Variants in PKP1 observed in about 807,000 individuals in gnomAD.
The protein encoded by PKP1 is plakophilin-1.
A neutral mutation model predicts 76.4 loss-of-function variants in PKP1; 27 were observed. The ratio of observed to expected loss-of-function variants is 0.35; its 90% CI spans 0.26 to 0.49. The LOEUF (loss-of-function observed/expected upper bound fraction) is 0.49. Ranked by LOEUF, PKP1 falls within the 20% of genes least tolerant of loss-of-function variation. The probability of loss-of-function intolerance (pLI) is 0.99; values close to 1 mark genes in which losing one functional copy is unlikely to be tolerated. For missense variants in PKP1, 964 were observed against 955.2 expected (o/e 1.01, Z -0.12); for synonymous variants, 404 against 384.2 (o/e 1.05, Z -0.60).
At chr1:201,301,291 A>C (rs1303799480) in intron 2 of PKP1, among the ~76,000 whole-genome samples, 1 of 152,196 alleles carries the variant, frequency 6.6e-6, no homozygotes, top group East Asian at 1.9e-4. Flanking sequence ...GGGGAGCACC[A>C]AGCTTTGGCA....
chr1:201,317,528 C>A, intron 4 of PKP1, 44 bp from the exon 5 acceptor site: 1 of 1,517,396 alleles, frequency 6.6e-7, no homozygotes, highest in East Asian at 2.3e-5. Flanking sequence ...CTAGATCAGC[C>A]TCATCTCCCT....
rs368398439 is a variant in PKP1, at chr1:201,317,754, C to T, written c.1029C>T (p.Asn343=). 49 of 1,613,578 alleles carry T rather than the reference C, an allele frequency of 3.0e-5. No individual in the cohort carries two copies. The highest frequency in any genetic ancestry group is 1.2e-4 in the African/African-American group (9 of 74,910). The change falls in exon 5 of 14, where the codon AAC becomes AAT. Residue 343 remains asparagine (N), a synonymous_variant. Transcript: ENST00000367324. ...EAVSLLRRTG[N]AEIQKQLTGL... is the part of the protein sequence containing the mutation. The stretch of plus-strand genomic sequence containing the variant: ...TCAGCCTCCTGAGGAGAACCGGGAA[C>T]GCCGAGATCCAGAAGCAGCTGACTG...
intron 2 of PKP1, among the ~76,000 whole-genome samples, chr1:201,301,381 C>T (rs1319598055): frequency 6.6e-6 from 1 of 152,210 alleles, no homozygotes; most frequent in Non-Finnish European, 1.5e-5. Flanking sequence ...ACAACAGAAG[C>T]CAGTTCTCCT....
At chr1:201,316,495 C>A (rs1656750987) in intron 3 of PKP1, 58 bp from the exon 4 acceptor site, 2 of 1,529,144 alleles carry the variant, frequency 1.3e-6, no homozygotes, top group Non-Finnish European at 1.8e-6. Context: ...AATTCTGAGC[C>A]CCCTCAGCAG....
chr1:201,295,868 C>T (rs569580169), intron 2 of PKP1, among the ~76,000 whole-genome samples: 8 of 136,938 alleles, frequency 5.8e-5, no homozygotes, highest in Middle Eastern at 3.6e-3. Flanking sequence ...GGAACTCTTT[C>T]GGGGAAGGTG....
In PKP1 at chr1:201,290,198, G is replaced by A. The variant is rs78138985; in HGVS notation, c.203-3744G>A. Among the ~76,000 whole-genome samples, 153 of 152,296 alleles carry A rather than the reference G, an allele frequency of 1.0e-3. 1 individual carries two copies. In the East Asian group the frequency reaches 0.027, roughly 27 times the overall value. ...GAGATGGTTTTACACCCTAAAACGC[G>A]GATGTAAAATCAGACGAGCTATGTG... is the stretch of plus-strand genomic sequence containing the variant. On this transcript the variant is annotated intron_variant, in intron 1 of 13. Coordinates refer to ENST00000367324, the MANE Select transcript of PKP1 (RefSeq NM_001005337.3).
Position 201,292,523 on chromosome 1 carries a change from G to A in PKP1, c.203-1419G>A, listed in dbSNP as rs549281882. On this transcript the variant is annotated intron_variant, in intron 1 of 13. Coordinates refer to ENST00000367324, the MANE Select transcript of PKP1 (RefSeq NM_001005337.3). ...GGTGGTGACCTGGCGCTGGACAGGG[G>A]AGGTGGCACGAGGTGGGGATCCCTG... is the stretch of plus-strand genomic sequence containing the variant. Among the ~76,000 whole-genome samples, 3 of 152,288 alleles carry A rather than the reference G, an allele frequency of 2.0e-5. No individual in the cohort carries two copies. In the South Asian group the frequency reaches 6.2e-4, roughly 32 times the overall value.
intron 1 of PKP1, among the ~76,000 whole-genome samples, chr1:201,285,412 G>C (rs796480843): frequency 2.6e-5 from 4 of 152,198 alleles, no homozygotes; most frequent in African/African-American, 9.6e-5. Flanking sequence ...GCTTCTCTGT[G>C]TGCTCTTTGC....
intron 1 of PKP1, among the ~76,000 whole-genome samples, chr1:201,284,774 T>G (rs1307810874): frequency 1.3e-5 from 2 of 152,072 alleles, no homozygotes; most frequent in Non-Finnish European, 2.9e-5. Context: ...AATGGCAGGT[T>G]GGAAATCCCC....
At chr1:201,319,949 G>T in intron 6 of PKP1, 1 of 1,501,894 alleles carries the variant, frequency 6.7e-7, no homozygotes. Context: ...AAGTTACTGG[G>T]CAGAGTGAAG....
intron 1 of PKP1, among the ~76,000 whole-genome samples, chr1:201,289,753 C>T (rs1031662815): frequency 3.3e-5 from 5 of 151,994 alleles, no homozygotes; most frequent in Non-Finnish European, 7.4e-5. Context: ...TTCCAAGGAG[C>T]CCACAAGCCA....
At chr1:201,286,591 T>C (rs1655746034) in intron 1 of PKP1, among the ~76,000 whole-genome samples, 1 of 152,122 alleles carries the variant, frequency 6.6e-6, no homozygotes, top group Admixed American at 6.5e-5. Flanking sequence ...ATGCCACAGA[T>C]CAGACAAGCA....
At chr1:201,294,329 T>C (rs1656015657) in intron 2 of PKP1, among the ~76,000 whole-genome samples, 1 of 152,246 alleles carries the variant, frequency 6.6e-6, no homozygotes, top group Non-Finnish European at 1.5e-5. Context: ...TAGGTCTGAT[T>C]TGATCATGGA....
In PKP1 at chr1:201,322,017, T is replaced by C; in HGVS notation, c.1387T>C (p.Tyr463His). ...CATGTGTGTTCTGCACAACCTCTCC[T>C]ACCGCCTGGACGCCGAGGTGCCCAC... ...NCMCVLHNLS[Y>H]RLDAEVPTRY... The change falls in exon 8 of 14, where the codon TAC becomes CAC. Residue 463 changes from tyrosine (Y) to histidine (H), a missense_variant. Tyr to His is a moderately conservative substitution (Grantham distance 83). Transcript: ENST00000367324. 2 of 1,614,038 alleles carry C rather than the reference T, an allele frequency of 1.2e-6. No homozygotes were observed. The highest frequency in any genetic ancestry group is 1.3e-5 in the African/African-American group (1 of 75,030).
intron 7 of PKP1, among the ~76,000 whole-genome samples, chr1:201,321,236 C>T (rs1008352817): frequency 2.0e-5 from 3 of 152,224 alleles, no homozygotes; most frequent in Non-Finnish European, 2.9e-5. Context: ...GGGCAAGATG[C>T]TTTTCTGCTC....
At chr1:201,302,020 G>A (rs1656246843) in intron 2 of PKP1, among the ~76,000 whole-genome samples, 1 of 152,338 alleles carries the variant, frequency 6.6e-6, no homozygotes, top group East Asian at 1.9e-4. Context: ...ATGAGCCGCA[G>A]GTGGTGGCTT....
intron 2 of PKP1, among the ~76,000 whole-genome samples, chr1:201,312,636 G>A (rs1656591004): frequency 6.6e-6 from 1 of 152,166 alleles, no homozygotes; most frequent in African/African-American, 2.4e-5. Flanking sequence ...TTCACTCGAA[G>A]TGCCCCATCT....
At chr1:201,317,812 AG>A in intron 5 of PKP1, 33 bp downstream of exon 5, 1 of 1,595,118 alleles carries the variant, frequency 6.3e-7, no homozygotes, top group Non-Finnish European at 8.6e-7. Flanking sequence ...AGCCAGCCTG[AG>A]GGCTGTGCAA....
chr1:201,329,887 G>A (rs61819984), intron 13 of PKP1, among the ~76,000 whole-genome samples, 187 bp from the exon 14 acceptor site: 7,021 of 152,270 alleles, frequency 0.046, 200 homozygotes, highest in East Asian at 0.062. Context: ...CAGGGTGGCA[G>A]ACAAAGCTGA....
Sources: allele counts gnomAD v4.1 joint callset (sites outside exome capture counted in the v4.1 genomes callset), GRCh38; gene constraint gnomAD v4.1.1; transcripts MANE v1.5; gene names NCBI Gene and HGNC (gene_info 2026-07-23, HGNC 2026-07-21).